Variants in RILP observed in about 807,000 individuals in gnomAD.
RILP encodes Rab interacting lysosomal protein, also known as rab-interacting lysosomal protein.
RILP carries 53 observed loss-of-function variants against 40.0 expected under a neutral mutation model. The ratio of observed to expected loss-of-function variants is 1.32; its 90% CI spans 1.06 to 1.66. RILP has a LOEUF of 1.66. Ranked by LOEUF, RILP falls within the 40% of genes most tolerant of loss-of-function variation. The pLI is 0.00. For synonymous variants in RILP, 272 were observed against 250.6 expected (o/e 1.09, Z -0.80); for missense variants, 626 against 551.7 (o/e 1.13, Z -1.35).
chr17:1,647,054 C>T, intron 6 of RILP, 65 bp from the exon 7 acceptor site: 1 of 1,135,264 alleles, frequency 8.8e-7, no homozygotes, highest in Non-Finnish European at 1.2e-6. Context: ...AACAGGAATC[C>T]AGCAGGGGGG....
intron 6 of RILP, 152 bp downstream of exon 6, chr17:1,647,683 C>T (rs570485075): frequency 6.1e-5 from 57 of 935,908 alleles, no homozygotes; most frequent in African/African-American, 2.6e-4. Flanking sequence ...GCCCTAGAAG[C>T]GGCCAGGCTA....
At position 1,648,967 on chromosome 17, in the gene RILP, C is replaced by T. The variant is rs1292351738; in HGVS notation, c.507G>A (p.Leu169=). 15 of 1,498,154 alleles carry T rather than the reference C, an allele frequency of 1.0e-5. No individual in the cohort carries two copies. The highest frequency in any genetic ancestry group is 1.3e-5 in the Non-Finnish European group (15 of 1,129,536). The allele number at this position is 1,498,154 out of a possible 1,614,324, so 92.8% of individuals were successfully genotyped here. ...RHKLAAMQTQ[L]RAAQDRERER... ...CCCTCTCGCGGTCCTGCGCGGCGCG[C>T]AGCTGGGTCTGCATGGCCGCCAGCT... The change falls in exon 4 of 8, where the codon CTG becomes CTA. Residue 169 remains leucine (L), a synonymous_variant. Coordinates refer to ENST00000301336, the MANE Select transcript of RILP (RefSeq NM_031430.3). The surrounding 1 kb of genome is among the most constrained non-coding windows in gnomAD (Gnocchi z 4.9).
rs146695430 is a variant in RILP, at chr17:1,648,437, C to G, written c.734G>C (p.Arg245Pro). 2.5e-6 allele frequency: 4 copies of G among 1,613,982 alleles called. No individual in the cohort carries two copies. In the African/African-American group the frequency reaches 5.3e-5, roughly 22 times the overall value. ...PSEAGQCRFS[R>P]EEFEQILQER... ...CTGAAGGATCTGCTCAAACTCCTCC[C>G]GACTGAAGCGGCACTGCCCTGCCTC... is the stretch of plus-strand genomic sequence containing the variant. The change falls in exon 5 of 8, where the codon CGG (arginine) becomes CCG (proline). Residue 245 changes from arginine (R) to proline (P), a missense_variant. Transcript: ENST00000301336. The surrounding 1 kb of genome is among the most constrained non-coding windows in gnomAD (Gnocchi z 4.9).
Position 1,649,086 on chromosome 17 carries a change from G to GGC in RILP, c.430-43_430-42insGC. On this transcript the variant is annotated intron_variant, in intron 3 of 7. Transcript: ENST00000301336. The surrounding 1 kb of genome is among the most constrained non-coding windows in gnomAD (Gnocchi z 4.3). ...GGGTGGGGTGGGCGGGGCACCGAGG[G>GGC]CCCCCCGGAGCCCCGCCCAGCGCCT... is the stretch of plus-strand genomic sequence containing the variant. The GGC allele has an allele frequency of 8.3e-7, 1 of 1,208,628 alleles. No individual in the cohort carries two copies. The allele number at this position is 1,208,628 out of a possible 1,614,324, so 74.9% of individuals were successfully genotyped here.
rs1174663552 is a variant in RILP at position 1,649,548 on chromosome 17, T to G, written c.228+29A>C. 6.6e-7 allele frequency: 1 copy of G among 1,515,056 alleles called. No homozygotes were observed. Among genetic ancestry groups the G allele is most frequent in the Non-Finnish European group, 8.8e-7 (1 of 1,139,016 alleles). 93.9% of individuals were successfully genotyped at this position (1,515,056 alleles called of 1,614,324 possible). ...TCAGGCTTCGGCCCTGCCGGCCCCG[T>G]GGGTGGCGAAGGGAGGGCCATGACT... On this transcript the variant is annotated intron_variant, in intron 1 of 7. Transcript: ENST00000301336. This position sits in a 1 kb window ranked among gnomAD's most constrained non-coding sequence, Gnocchi z 4.3.
At position 1,646,713 on chromosome 17, in the gene RILP, G is replaced by T. The variant is rs978790843; in HGVS notation, c.1029-94C>A. 1.5e-6 allele frequency: 2 copies of T among 1,320,376 alleles called. No individual in the cohort carries two copies. Among genetic ancestry groups the T allele is most frequent in the African/African-American group, 1.5e-5 (1 of 67,572 alleles). 81.8% of individuals were successfully genotyped at this position (1,320,376 alleles called of 1,614,324 possible). Reference sequence around the variant, plus strand: ...GGGGATGGTGAGAAAAGGGGAGAGGGGGAAGAAAGGGCAGCCTGAGGGAGT... The same window carrying T: ...GGGGATGGTGAGAAAAGGGGAGAGGTGGAAGAAAGGGCAGCCTGAGGGAGT... On this transcript the variant is annotated intron_variant, in intron 7 of 7. Transcript: ENST00000301336. The surrounding 1 kb of genome is among the most constrained non-coding windows in gnomAD (Gnocchi z 4.3).
At position 1,647,953 on chromosome 17, in the gene RILP, G is replaced by C. The variant is rs1345170711; in HGVS notation, c.826C>G (p.Leu276Val). The change falls in exon 6 of 8, where the codon CTG becomes GTG. Residue 276 changes from leucine to valine, a missense_variant. By Grantham distance (32) the Leu-to-Val change is conservative. Transcript: ENST00000301336. ...KEELAYFQRE[L>V]LTDHRVPGLL... ...CCGGGGACCCGGTGGTCTGTGAGCA[G>C]CTCCCTAAAGAAAAGGGGCAGGGAG... is the stretch of plus-strand genomic sequence containing the variant. The C allele has an allele frequency of 6.2e-7, 1 of 1,613,780 alleles. No homozygotes were observed. The highest frequency in any genetic ancestry group is 1.3e-5 in the African/African-American group (1 of 74,926).
rs1910774123 is a variant in RILP at position 1,648,911 on chromosome 17, G to A, written c.563C>T (p.Pro188Leu). ...ERQQPGEAAT[P>L]QAKERARGQA... ...CCCCCGCGCTCGCTCTTTAGCCTGC[G>A]GAGTCGCGGCTTCGCCAGGCTGCTG... The change falls in exon 4 of 8, where the codon CCG (proline) becomes CTG (leucine). Residue 188 changes from proline to leucine, a missense_variant. Transcript: ENST00000301336. This position sits in a 1 kb window ranked among gnomAD's most constrained non-coding sequence, Gnocchi z 4.9. 1 of 1,523,358 alleles carries A rather than the reference G, an allele frequency of 6.6e-7. No individual in the cohort carries two copies. The highest frequency in any genetic ancestry group is 8.8e-7 in the Non-Finnish European group (1 of 1,142,356). The allele number at this position is 1,523,358 out of a possible 1,614,324, so 94.4% of individuals were successfully genotyped here.
rs756112532 is a variant in RILP at position 1,649,737 on chromosome 17, G to C, written c.68C>G (p.Ser23Trp). ...WGSREAAGSA[S>W]AAELVYHLAG... ...TAGATGGTACACAAGCTCCGCGGCC[G>C]ATGCCGACCCCGCGGCCTCCCGAGA... The change falls in exon 1 of 8, where the codon TCG (serine) becomes TGG (tryptophan). Residue 23 changes from serine (S) to tryptophan (W), a missense_variant. Physicochemically the swap from Ser to Trp is radical, Grantham distance 177 (BLOSUM62 -3). Coordinates refer to ENST00000301336, the MANE Select transcript of RILP (RefSeq NM_031430.3). The surrounding 1 kb of genome is among the most constrained non-coding windows in gnomAD (Gnocchi z 4.3). 1 of 1,590,100 alleles carries C rather than the reference G, an allele frequency of 6.3e-7. No individual in the cohort carries two copies. The highest frequency in any genetic ancestry group is 1.7e-4 in the Middle Eastern group (1 of 5,880).
Position 1,648,898 on chromosome 17 carries a change from C to G in RILP, c.576G>C (p.Glu192Asp). 6.5e-7 allele frequency: 1 copy of G among 1,527,022 alleles called. No individual in the cohort carries two copies. The highest frequency in any genetic ancestry group is 8.7e-7 in the Non-Finnish European group (1 of 1,144,112). 94.6% of individuals were successfully genotyped at this position (1,527,022 alleles called of 1,614,324 possible). Residue 192 changes from glutamate (E) to aspartate (D), a missense_variant, in exon 4 of 8, where the codon GAG (glutamate) becomes GAC (aspartate). Glu to Asp is a conservative substitution (Grantham distance 45, BLOSUM62 2). Transcript: ENST00000301336. This position sits in a 1 kb window ranked among gnomAD's most constrained non-coding sequence, Gnocchi z 4.9. ...GCCGCCCGGCCTGCCCCCGCGCTCGCTCTTTAGCCTGCGGAGTCGCGGCTT... is the reference window on the plus strand; with the variant it reads ...GCCGCCCGGCCTGCCCCCGCGCTCGGTCTTTAGCCTGCGGAGTCGCGGCTT... ...PGEAATPQAK[E>D]RARGQAGRPG... is the part of the protein sequence containing the mutation.
At position 1,649,685 on chromosome 17, in the gene RILP, C is replaced by G. The variant is rs1314768334; in HGVS notation, c.120G>C (p.Gln40His). The G allele has an allele frequency of 3.8e-6, 6 of 1,591,734 alleles. No individual in the cohort carries two copies. The highest frequency in any genetic ancestry group is 1.7e-5 in the Admixed American group (1 of 59,152). ...CCGGCCCGAAACGGCGCGCCAGATCCTGCAGCTCAGTGCCCAGGGCCCCGG... is the reference window on the plus strand; with the variant it reads ...CCGGCCCGAAACGGCGCGCCAGATCGTGCAGCTCAGTGCCCAGGGCCCCGG... ...HLAGALGTEL[Q>H]DLARRFGPEA... The change falls in exon 1 of 8, where the codon CAG (glutamine) becomes CAC (histidine). Residue 40 changes from glutamine to histidine, a missense_variant. Gln to His is a conservative substitution (Grantham distance 24, BLOSUM62 0). Coordinates refer to ENST00000301336, the MANE Select transcript of RILP (RefSeq NM_031430.3). This position sits in a 1 kb window ranked among gnomAD's most constrained non-coding sequence, Gnocchi z 4.3.
chr17:1,646,219 G>A lies in RILP; in HGVS notation c.*223C>T, dbSNP rs1006772948. The A allele has an allele frequency of 3.9e-5, 19 of 485,160 alleles. No individual in the cohort carries two copies. Among genetic ancestry groups the A allele is most frequent in the African/African-American group, 2.0e-4 (10 of 50,736 alleles). The allele number at this position is 485,160 out of a possible 1,614,324, so 30.1% of individuals were successfully genotyped here. On this transcript the variant is annotated 3_prime_UTR_variant, in exon 8 of 8. Transcript: ENST00000301336. The surrounding 1 kb of genome is among the most constrained non-coding windows in gnomAD (Gnocchi z 4.3). ...GTCTGCACAAAGCCCTGGGAGCTAG[G>A]CAGTCAGCTCTCATTTCATGGATGG...
Position 1,648,664 on chromosome 17 carries a change from CG to C in RILP, c.675+134del. ...GCTGAGAGCGGGGGCCGAGGCCGGC[CG>C]GGGGCGCAGATCTGTCTGCCACCTC... On this transcript the variant is annotated intron_variant, in intron 4 of 7. Coordinates refer to ENST00000301336, the MANE Select transcript of RILP (RefSeq NM_031430.3). This position sits in a 1 kb window ranked among gnomAD's most constrained non-coding sequence, Gnocchi z 4.9. 7.1e-7 allele frequency: 1 copy of C among 1,405,082 alleles called. No homozygotes were observed. The highest frequency in any genetic ancestry group is 1.4e-5 in the African/African-American group (1 of 69,158). The allele number at this position is 1,405,082 out of a possible 1,614,324, so 87.0% of individuals were successfully genotyped here. A position where few individuals can be genotyped will look rare whatever the true frequency, so the allele number is the denominator to read the frequency against.
In RILP at chr17:1,646,897, C is replaced by G; in HGVS notation, c.1028+9G>C. The G allele has an allele frequency of 6.3e-7, 1 of 1,577,956 alleles. No individual in the cohort carries two copies. The highest frequency in any genetic ancestry group is 2.3e-5 in the East Asian group (1 of 44,224). On this transcript the variant is annotated intron_variant, in intron 7 of 7. Coordinates refer to ENST00000301336, the MANE Select transcript of RILP (RefSeq NM_031430.3). This position sits in a 1 kb window ranked among gnomAD's most constrained non-coding sequence, Gnocchi z 4.3. ...CCACACTCTTGCCTTTCCCCTTTCC[C>G]CAACATACAAACTCTGTATTTTGGA...
At position 1,649,849 on chromosome 17, in the gene RILP, A is replaced by G. The variant is rs1910880866; in HGVS notation, c.-45T>C. On this transcript the variant is annotated 5_prime_UTR_variant, in exon 1 of 8. Transcript: ENST00000301336. This position sits in a 1 kb window ranked among gnomAD's most constrained non-coding sequence, Gnocchi z 4.3. ...CTGCGACCCCCCCACCCCACCCTCC[A>G]CTGGGACGGGGAAAAGCGAAACAGT... 1 of 1,408,062 alleles carries G rather than the reference A, an allele frequency of 7.1e-7. No individual in the cohort carries two copies. 87.2% of individuals were successfully genotyped at this position (1,408,062 alleles called of 1,614,324 possible). A position where few individuals can be genotyped will look rare whatever the true frequency, so the allele number is the denominator to read the frequency against.
At position 1,649,047 on chromosome 17, in the gene RILP, G is replaced by T. The variant is rs1420653504; in HGVS notation, c.430-3C>A. 2.3e-5 allele frequency: 31 copies of T among 1,366,724 alleles called. No homozygotes were observed. The highest frequency in any genetic ancestry group is 2.7e-5 in the Non-Finnish European group (29 of 1,058,410). The allele number at this position is 1,366,724 out of a possible 1,614,324, so 84.7% of individuals were successfully genotyped here. ...AGGCGCTGCAGCTGCTCCTGCAACT[G>T]GGAGCGGAGCAAAGGGTGGGGTGGG... On this transcript the variant is annotated splice_region_variant and splice_polypyrimidine_tract_variant and intron_variant, in intron 3 of 7. Coordinates refer to ENST00000301336, the MANE Select transcript of RILP (RefSeq NM_031430.3). The surrounding 1 kb of genome is among the most constrained non-coding windows in gnomAD (Gnocchi z 4.3).
chr17:1,649,776 AC>A lies in RILP; in HGVS notation c.28del (p.Val10CysfsTer22). On this transcript the variant is annotated frameshift_variant, in exon 1 of 8. Coordinates refer to ENST00000301336, the MANE Select transcript of RILP (RefSeq NM_031430.3). LOFTEE classifies it high-confidence loss of function. The surrounding 1 kb of genome is among the most constrained non-coding windows in gnomAD (Gnocchi z 4.3). Reference protein sequence around the residue: MEPRRAAPGVPGWGSREAAG... With the variant: MEPRRAAPGXPGWGSREAAG... Reference sequence around the variant, plus strand: ...GGCCTCCCGAGACCCCCAGCCAGGCACCCCGGGCGCCGCCCTCCTGGGCTCC... The same window carrying A: ...GGCCTCCCGAGACCCCCAGCCAGGCACCCGGGCGCCGCCCTCCTGGGCTCC... 6.4e-7 allele frequency: 1 copy of A among 1,562,930 alleles called. No individual in the cohort carries two copies. The highest frequency in any genetic ancestry group is 8.6e-7 in the Non-Finnish European group (1 of 1,161,622).
In RILP at chr17:1,649,475, C is replaced by T; in HGVS notation, c.259G>A (p.Glu87Lys). 1 of 1,512,370 alleles carries T rather than the reference C, an allele frequency of 6.6e-7. No homozygotes were observed. Among genetic ancestry groups the T allele is most frequent in the Non-Finnish European group, 8.8e-7 (1 of 1,138,488 alleles). The allele number at this position is 1,512,370 out of a possible 1,614,324, so 93.7% of individuals were successfully genotyped here. A position where few individuals can be genotyped will look rare whatever the true frequency, so the allele number is the denominator to read the frequency against. ...TTCTCCTCCCGCAGCCGCCGCAGCT[C>T]CTGCTCCGCCGGCTGCGCCGACACC... ...LQVSAQPAEQ[E>K]LRRLREENER... is the part of the protein sequence containing the mutation. The change falls in exon 2 of 8, where the codon GAG (glutamate) becomes AAG (lysine). Residue 87 changes from glutamate to lysine, a missense_variant. Transcript: ENST00000301336. This position sits in a 1 kb window ranked among gnomAD's most constrained non-coding sequence, Gnocchi z 4.3.
rs755094527 is a variant in RILP at position 1,646,586 on chromosome 17, G to A, written c.1062C>T (p.Ser354=). Residue 354 remains serine (S), a synonymous_variant, in exon 8 of 8, where the codon TCC becomes TCT. Coordinates refer to ENST00000301336, the MANE Select transcript of RILP (RefSeq NM_031430.3). The surrounding 1 kb of genome is among the most constrained non-coding windows in gnomAD (Gnocchi z 4.3). The part of the protein sequence containing the change: ...FGLWYRGKAE[S]SEDETSSPAP... ...CAGGGCTGCTGGTCTCATCCTCAGA[G>A]GATTCAGCTTTACCCCGATACCATA... The A allele has an allele frequency of 1.2e-6, 2 of 1,601,384 alleles. No homozygotes were observed. Among genetic ancestry groups the A allele is most frequent in the Non-Finnish European group, 1.7e-6 (2 of 1,174,958 alleles).
Sources: gnomAD v4.1 joint callset for allele counts on GRCh38, gnomAD v4.1.1 for gene constraint, Gnocchi (gnomAD v3.1) non-coding constraint, MANE v1.5 for transcripts, NCBI Gene and HGNC (gene_info 2026-07-23, HGNC 2026-07-21) for gene names.